Variants in NBEA observed in about 807,000 individuals in gnomAD.
NBEA encodes the protein neurobeachin.
In NBEA, 44 loss-of-function variants were observed where a neutral mutation model predicts 343.4. That is an observed-to-expected ratio of 0.13 (90% CI 0.10 to 0.16). NBEA has a LOEUF of 0.16. NBEA is among the 10% of genes least tolerant of loss of function. The pLI is 1.00. For missense variants in NBEA, 2,555 were observed against 3,631.3 expected, an observed-to-expected ratio of 0.70 and a Z score of 7.62; for synonymous variants, 1,175 against 1,238.7, an observed-to-expected ratio of 0.95 and a Z score of 1.08.
chr13:35,231,796 G>A (rs1320065290), intron 33 of NBEA, among the ~76,000 whole-genome samples: 2 of 152,038 alleles, frequency 1.3e-5, no homozygotes, highest in Admixed American at 6.6e-5. Flanking sequence ...TTACTCCAAA[G>A]CACTTTTATC....
intron 1 of NBEA, among the ~76,000 whole-genome samples, chr13:34,981,827 A>T (rs2060365763): frequency 6.6e-6 from 1 of 151,130 alleles, no homozygotes; most frequent in Non-Finnish European, 1.5e-5. Flanking sequence ...CAAGGGATTT[A>T]TTTGTGTCAT....
intron 10 of NBEA, among the ~76,000 whole-genome samples, chr13:35,087,866 A>G (rs553335697): frequency 6.6e-6 from 1 of 151,934 alleles, no homozygotes; most frequent in African/African-American, 2.4e-5. Flanking sequence ...TACATTAGAG[A>G]TAAGATGAAG....
At chr13:35,542,154 C>T (rs1240993807) in intron 41 of NBEA, among the ~76,000 whole-genome samples, 1 of 22,204 alleles carries the variant, frequency 4.5e-5, no homozygotes, top group Non-Finnish European at 8.4e-5. Flanking sequence ...GTTTTGACAC[C>T]CCCCCCCCAC....
At chr13:35,665,227 A>G (rs2769323) in intron 56 of NBEA, 41 bp downstream of exon 56, 2 of 1,469,242 alleles carry the variant, frequency 1.4e-6, no homozygotes, top group African/African-American at 2.8e-5. Context: ...CTAGAAGATG[A>G]CTGTTTTCTC....
At chr13:35,603,501 C>T (rs2082149285) in intron 47 of NBEA, among the ~76,000 whole-genome samples, 1 of 151,892 alleles carries the variant, frequency 6.6e-6, no homozygotes, top group African/African-American at 2.4e-5. Context: ...TTAATAATGA[C>T]CACATATTTT....
At chr13:35,233,097 A>C (rs1214311976) in intron 34 of NBEA, among the ~76,000 whole-genome samples, 3 of 152,140 alleles carry the variant, frequency 2.0e-5, no homozygotes, top group Admixed American at 2.0e-4. Flanking sequence ...CCTCAACAGC[A>C]GCTTACATAC....
chr13:35,435,610 G>A (rs980883136), intron 39 of NBEA, among the ~76,000 whole-genome samples: 1 of 152,090 alleles, frequency 6.6e-6, no homozygotes, highest in African/African-American at 2.4e-5. Context: ...ATAAAAATGG[G>A]AGTTTTGTAC....
intron 33 of NBEA, among the ~76,000 whole-genome samples, chr13:35,226,631 TTTTGTG>T (rs2074665807): frequency 6.6e-6 from 1 of 152,016 alleles, no homozygotes; most frequent in Non-Finnish European, 1.5e-5. Context: ...TATAGTTAAA[TTTTGTG>T]TCATTTAATT....
chr13:35,290,307 T>C, intron 34 of NBEA, 82 bp from the exon 35 acceptor site: 1 of 898,876 alleles, frequency 1.1e-6, no homozygotes, highest in Non-Finnish European at 1.8e-6. Context: ...TTTTTATAAA[T>C]TAAAATTATA....
chr13:35,112,130 G>A (rs1170415949), intron 13 of NBEA, among the ~76,000 whole-genome samples: 1 of 151,728 alleles, frequency 6.6e-6, no homozygotes, highest in Non-Finnish European at 1.5e-5. Context: ...TGTTAGCCAG[G>A]ATGGTGTTGA....
intron 1 of NBEA, among the ~76,000 whole-genome samples, chr13:34,962,085 G>T (rs1318990774): frequency 6.6e-6 from 1 of 151,922 alleles, no homozygotes; most frequent in Non-Finnish European, 1.5e-5. Flanking sequence ...TTCTTTTCAT[G>T]TGGCTAATAG....
At chr13:35,547,756 G>C (rs1306774640) in intron 41 of NBEA, among the ~76,000 whole-genome samples, 1 of 152,062 alleles carries the variant, frequency 6.6e-6, no homozygotes, top group Non-Finnish European at 1.5e-5. Context: ...GATGGTAATG[G>C]CACGCATCTG....
intron 27 of NBEA, among the ~76,000 whole-genome samples, chr13:35,174,322 T>G (rs1391238311): frequency 2.6e-5 from 4 of 152,160 alleles, no homozygotes; most frequent in African/African-American, 9.7e-5. Flanking sequence ...GAAAATGTTT[T>G]TTGACACCCT....
intron 11 of NBEA, among the ~76,000 whole-genome samples, chr13:35,104,859 G>A (rs1440230097): frequency 6.6e-6 from 1 of 151,970 alleles, no homozygotes; most frequent in Non-Finnish European, 1.5e-5. Flanking sequence ...ATTTTTGATT[G>A]TGGTTAGTAG....
At chr13:35,667,298 G>C (rs2085406145) in intron 56 of NBEA, 76 bp from the exon 57 acceptor site, 2 of 1,267,636 alleles carry the variant, frequency 1.6e-6, no homozygotes, top group Admixed American at 3.7e-5. Flanking sequence ...ACCCAGCAAG[G>C]TTTTCAGGTT....
At chr13:35,145,482 G>A (rs2068363151) in intron 18 of NBEA, among the ~76,000 whole-genome samples, 1 of 152,158 alleles carries the variant, frequency 6.6e-6, no homozygotes, top group African/African-American at 2.4e-5. Flanking sequence ...CCTCTTTAGT[G>A]GGTCTGCATA....
chr13:35,060,734 G>T lies in NBEA; in HGVS notation c.1239+1871G>T, dbSNP rs139027405. Among the ~76,000 whole-genome samples the T allele has an allele frequency of 2.9e-3, 435 of 151,432 alleles. 1 individual carries two copies. Among genetic ancestry groups the T allele is most frequent in the Admixed American group, 7.1e-3 (108 of 15,166 alleles). On this transcript the variant is annotated intron_variant, in intron 8 of 58. Transcript: ENST00000379939. Reference sequence around the variant, plus strand: ...AAAAGCTTTTTTTTTCAGAAATTCAGAGAATATAGGGAAGGAGGAATGCAT... The same window carrying T: ...AAAAGCTTTTTTTTTCAGAAATTCATAGAATATAGGGAAGGAGGAATGCAT...
chr13:34,995,121 C>T (rs1205219315), intron 1 of NBEA, among the ~76,000 whole-genome samples: 1 of 152,116 alleles, frequency 6.6e-6, no homozygotes, highest in East Asian at 1.9e-4. Context: ...GCCCATTTTC[C>T]ACAACTAGGT....
At chr13:35,511,673 A>T (rs918706661) in intron 41 of NBEA, among the ~76,000 whole-genome samples, 1 of 152,184 alleles carries the variant, frequency 6.6e-6, no homozygotes, top group Non-Finnish European at 1.5e-5. Flanking sequence ...TACTGCTATT[A>T]GTAAGGCAGC....
Sources: allele counts gnomAD v4.1 joint callset (sites outside exome capture counted in the v4.1 genomes callset), GRCh38; gene constraint gnomAD v4.1.1; transcripts MANE v1.5; gene names NCBI Gene and HGNC (gene_info 2026-07-23, HGNC 2026-07-21).